TRPM3: variants seen among roughly 807,000 people sequenced by gnomAD.
TRPM3 encodes long transient receptor potential channel 3.
In TRPM3, 77 loss-of-function variants were observed where a neutral mutation model predicts 181.2. That is an observed-to-expected ratio of 0.42 (90% CI 0.35 to 0.51). The LOEUF (loss-of-function observed/expected upper bound fraction) is 0.51, where lower values mean the gene tolerates loss of function less well. TRPM3 is among the 20% of genes least tolerant of loss of function. The pLI, the probability that TRPM3 is intolerant of heterozygous loss-of-function variation, is 0.01. For synonymous variants in TRPM3, 745 were observed against 796.4 expected (o/e 0.94, Z 1.09); for missense variants, 1,759 against 2,196.7 (o/e 0.80, Z 3.98).
At chr9:70,831,058 C>A (rs552443309) in intron 5 of TRPM3, among the ~76,000 whole-genome samples, 1 of 152,180 alleles carries the variant, frequency 6.6e-6, no homozygotes, top group South Asian at 2.1e-4. Context: ...TTTGCCATGT[C>A]CTCCCAGGCA....
chr9:71,067,353 T>C lies in TRPM3; in HGVS notation c.177+53825A>G, dbSNP rs2062062038. On this transcript the variant is annotated intron_variant, in intron 1 of 25. Transcript: ENST00000677713. ...TAACTGCTGTTGATCTTTTAGTATA[T>C]AACCATCTAGTCTTTTGTCATTGAA... 2.6e-5 allele frequency among the ~76,000 whole-genome samples: 4 copies of C among 152,304 alleles called. No homozygotes were observed. The South Asian group carries it at 8.3e-4, about 32-fold the overall frequency.
intron 1 of TRPM3, among the ~76,000 whole-genome samples, chr9:70,959,412 A>T (rs1197886082): frequency 6.6e-6 from 1 of 151,952 alleles, no homozygotes; most frequent in Non-Finnish European, 1.5e-5. Context: ...GAAGGGCAAG[A>T]TGTTTTTGAA....
chr9:71,081,560 T>C (rs1030352395), intron 1 of TRPM3, among the ~76,000 whole-genome samples: 2 of 152,182 alleles, frequency 1.3e-5, no homozygotes, highest in African/African-American at 4.8e-5. Flanking sequence ...ATTTGCAAGA[T>C]GCCAAGACAA....
intron 1 of TRPM3, among the ~76,000 whole-genome samples, chr9:71,204,919 T>C (rs906978182): frequency 6.6e-6 from 1 of 152,114 alleles, no homozygotes; most frequent in Non-Finnish European, 1.5e-5. Context: ...TGTAGGGACA[T>C]GGATGAAGCC....
chr9:70,586,382 C>T (rs904964250), intron 22 of TRPM3, among the ~76,000 whole-genome samples: 16 of 152,146 alleles, frequency 1.1e-4, no homozygotes, highest in African/African-American at 1.2e-4. Flanking sequence ...AAACAGCGTC[C>T]GGAATCATCA....
At chr9:71,260,361 C>T (rs1054033118) in intron 1 of TRPM3, among the ~76,000 whole-genome samples, 23 of 152,004 alleles carry the variant, frequency 1.5e-4, no homozygotes, top group African/African-American at 3.6e-4. Context: ...CTTGGCTATG[C>T]GGGCTCTTTT....
intron 1 of TRPM3, among the ~76,000 whole-genome samples, chr9:71,319,326 C>T (rs1480602690): frequency 1.3e-5 from 2 of 152,086 alleles, no homozygotes; most frequent in Non-Finnish European, 2.9e-5. Context: ...CCTAGGAAAG[C>T]CAGGGTTGTC....
chr9:71,208,419 C>G (rs998914438), intron 1 of TRPM3, among the ~76,000 whole-genome samples: 1 of 151,194 alleles, frequency 6.6e-6, no homozygotes, highest in Non-Finnish European at 1.5e-5. Context: ...CATCCTTTAC[C>G]CACCAAAAAC....
intron 1 of TRPM3, among the ~76,000 whole-genome samples, chr9:71,408,506 G>A (rs868681078): frequency 3.3e-5 from 5 of 152,280 alleles, no homozygotes; most frequent in Middle Eastern, 6.8e-3. Flanking sequence ...GGGTATCAGT[G>A]ATTGAAGATC....
At chr9:70,892,341 G>A (rs1045571368) in intron 1 of TRPM3, among the ~76,000 whole-genome samples, 7 of 151,934 alleles carry the variant, frequency 4.6e-5, no homozygotes, top group East Asian at 1.9e-4. Flanking sequence ...CTGTAAATTC[G>A]TAGAAATACC....
chr9:71,284,113 T>C (rs1020372608), intron 1 of TRPM3, among the ~76,000 whole-genome samples: 2 of 111,474 alleles, frequency 1.8e-5, no homozygotes, highest in African/African-American at 7.1e-5. Context: ...CCAGCTTCAA[T>C]GGGTTTTTTA....
At chr9:71,230,078 G>A (rs1019315625) in intron 1 of TRPM3, among the ~76,000 whole-genome samples, 1 of 152,014 alleles carries the variant, frequency 6.6e-6, no homozygotes, top group African/African-American at 2.4e-5. Flanking sequence ...ATATACAATG[G>A]AGTATTATTA....
chr9:71,121,966 C>T (rs574543180), upstream of TRPM3, among the ~76,000 whole-genome samples: 6 of 152,212 alleles, frequency 3.9e-5, no homozygotes, highest in Middle Eastern at 3.4e-3. Context: ...TTTTATTAAC[C>T]GTGATTGACA....
At chr9:71,106,663 A>G (rs1321590921) in intron 1 of TRPM3, among the ~76,000 whole-genome samples, 1 of 152,208 alleles carries the variant, frequency 6.6e-6, no homozygotes, top group Non-Finnish European at 1.5e-5. Flanking sequence ...AACACTGCTC[A>G]CTATTCCCTT....
intron 1 of TRPM3, among the ~76,000 whole-genome samples, chr9:71,113,489 T>C (rs1230727332): frequency 6.6e-6 from 1 of 152,166 alleles, no homozygotes; most frequent in East Asian, 1.9e-4. Flanking sequence ...TTAGACTTAA[T>C]GTGCTTTCTC....
At chr9:71,083,588 C>G (rs2064760787) in intron 1 of TRPM3, among the ~76,000 whole-genome samples, 1 of 151,762 alleles carries the variant, frequency 6.6e-6, no homozygotes, top group Non-Finnish European at 1.5e-5. Flanking sequence ...TGAATATATT[C>G]CTTATTTTTA....
At chr9:70,700,263 G>A (rs910342000) in intron 8 of TRPM3, among the ~76,000 whole-genome samples, 12 of 152,284 alleles carry the variant, frequency 7.9e-5, no homozygotes, top group Non-Finnish European at 1.6e-4. Context: ...GATTATAGGC[G>A]TGAGCCACCA....
At chr9:71,192,216 G>C (rs1420388968) in intron 1 of TRPM3, among the ~76,000 whole-genome samples, 3 of 151,762 alleles carry the variant, frequency 2.0e-5, no homozygotes, top group African/African-American at 7.3e-5. Context: ...TTTTGAAGAG[G>C]GGAGATTTGG....
At chr9:71,165,161 T>G (rs926732439) in intron 1 of TRPM3, among the ~76,000 whole-genome samples, 6 of 152,164 alleles carry the variant, frequency 3.9e-5, no homozygotes, top group Admixed American at 3.9e-4. Context: ...ATCAGCTGTG[T>G]AAACCCGTGG....
Sources: allele counts gnomAD v4.1 joint callset (sites outside exome capture counted in the v4.1 genomes callset), GRCh38; gene constraint gnomAD v4.1.1; transcripts MANE v1.5; gene names NCBI Gene and HGNC (gene_info 2026-07-23, HGNC 2026-07-21).